The following EML5 variants were observed in gnomAD, a reference collection of about 807,000 sequenced individuals.
EML5 encodes EMAP like 5.
A neutral mutation model predicts 250.0 loss-of-function variants in EML5; 120 were observed. The observed-to-expected ratio is 0.48, with a 90% CI of 0.41 to 0.56. The LOEUF (loss-of-function observed/expected upper bound fraction) is 0.56. Among genes scored for constraint, EML5 ranks in the 20% least tolerant of loss-of-function variants. EML5 has a pLI of 0.00. For missense variants in EML5, 2,006 were observed against 2,437.6 expected, an observed-to-expected ratio of 0.82 and a Z score of 3.73; for synonymous variants, 771 against 806.5, an observed-to-expected ratio of 0.96 and a Z score of 0.75.
chr14:88,761,402 C>T (rs1239915033), intron 1 of EML5, among the ~76,000 whole-genome samples: 3 of 152,122 alleles, frequency 2.0e-5, no homozygotes, highest in Non-Finnish European at 2.9e-5. Context: ...TCCCTGTGCC[C>T]ATATGTTCTC....
intron 1 of EML5, among the ~76,000 whole-genome samples, chr14:88,789,069 TAAAA>T (rs879877223): frequency 2.2e-5 from 3 of 137,600 alleles, no homozygotes; most frequent in Non-Finnish European, 4.8e-5. Context: ...TGTCTCAGTT[TAAAA>T]AAAAAAAAAA....
rs59074536 is a variant in EML5, at chr14:88,758,019, ATTTTTTTTT to A, written c.198-3357_198-3349del. On this transcript the variant is annotated intron_variant, in intron 1 of 43. Transcript: ENST00000554922. ...AGGTGGGTGCCACCACACCTGTCTA[ATTTTTTTTT>A]TTTTTTTTTGTAGAGATGGGGTCTC... Among the ~76,000 whole-genome samples the A allele has an allele frequency of 6.4e-3, 833 of 129,234 alleles. 7 individuals carry two copies. The highest frequency in any genetic ancestry group is 0.023 in the African/African-American group (802 of 34,156). The allele number at this position is 129,234 out of a possible 152,430, so 84.8% of individuals were successfully genotyped here.
In EML5 at chr14:88,705,470, A is replaced by T; in HGVS notation, c.1932+12T>A. 6.4e-7 allele frequency: 1 copy of T among 1,571,896 alleles called. No individual in the cohort carries two copies. The highest frequency in any genetic ancestry group is 8.7e-7 in the Non-Finnish European group (1 of 1,151,424). ...ACTTTTTAGAGAAAAACCATGTGAT[A>T]TGGAAAATTACCTGTCGACGGTAGG... On this transcript the variant is annotated intron_variant, in intron 12 of 43. Coordinates refer to ENST00000554922, the MANE Select transcript of EML5 (RefSeq NM_183387.3).
At chr14:88,704,730 C>T in intron 13 of EML5, 130 bp downstream of exon 13, 1 of 594,784 alleles carries the variant, frequency 1.7e-6, no homozygotes. Flanking sequence ...TGTGTTTTCC[C>T]CATGGGCAAT....
chr14:88,747,957 A>G (rs1279806689), intron 2 of EML5, among the ~76,000 whole-genome samples: 4 of 152,186 alleles, frequency 2.6e-5, no homozygotes, highest in African/African-American at 7.2e-5. Flanking sequence ...GACATTTGCA[A>G]CTGGAAGTAA....
In EML5 at chr14:88,626,945, CAT is replaced by C. The variant is rs1448090324; in HGVS notation, c.4631_4632del (p.His1544ArgfsTer13). On this transcript the variant is annotated frameshift_variant, in exon 35 of 44. Transcript: ENST00000554922. LOFTEE classifies it high-confidence loss of function. ...CTTCCTGCCAGGGTCCAGAACTTCACATGTTTTACTCCCACTGAGACAAACTG... is the reference window on the plus strand; with the variant it reads ...CTTCCTGCCAGGGTCCAGAACTTCACGTTTTACTCCCACTGAGACAAACTG... ...DTQFVSVGVK[H>X]VKFWTLAGRA... is the part of the protein sequence containing the mutation. 8.7e-6 allele frequency: 14 copies of C among 1,613,848 alleles called. No individual in the cohort carries two copies. Among genetic ancestry groups the C allele is most frequent in the South Asian group, 1.1e-5 (1 of 91,076 alleles).
At chr14:88,760,573 T>C (rs889089708) in intron 1 of EML5, among the ~76,000 whole-genome samples, 3 of 152,170 alleles carry the variant, frequency 2.0e-5, no homozygotes, top group African/African-American at 7.2e-5. Context: ...ATAGCTTTAT[T>C]ATAAGCCTTA....
At chr14:88,640,935 T>C (rs547834104) in intron 31 of EML5, among the ~76,000 whole-genome samples, 5 of 151,788 alleles carry the variant, frequency 3.3e-5, no homozygotes, top group African/African-American at 1.2e-4. Context: ...CACCTCTAAA[T>C]ACACAAACTA....
chr14:88,736,649 G>A lies in EML5; in HGVS notation c.848-84C>T, dbSNP rs186732254. 15 of 1,326,892 alleles carry A rather than the reference G, an allele frequency of 1.1e-5. No homozygotes were observed. The East Asian group carries it at 2.1e-4, about 19-fold the overall frequency. 82.2% of individuals were successfully genotyped at this position (1,326,892 alleles called of 1,614,324 possible). On this transcript the variant is annotated intron_variant, in intron 6 of 43. Coordinates refer to ENST00000554922, the MANE Select transcript of EML5 (RefSeq NM_183387.3). The stretch of plus-strand genomic sequence containing the variant: ...GCAGACAAATCCCTATGCAGATAGG[G>A]GCAAGTCCCGGTGAAAGCCAACCTT...
intron 25 of EML5, among the ~76,000 whole-genome samples, 159 bp from the exon 26 acceptor site, chr14:88,658,547 T>C (rs917411664): frequency 2.6e-5 from 4 of 152,158 alleles, no homozygotes; most frequent in Non-Finnish European, 5.9e-5. Context: ...GAATAAAAGA[T>C]ACCAATTCCT....
At chr14:88,678,376 A>G (rs1237190874) in intron 21 of EML5, among the ~76,000 whole-genome samples, 9 of 152,276 alleles carry the variant, frequency 5.9e-5, no homozygotes, top group East Asian at 3.9e-4. Flanking sequence ...GCAACAAGCC[A>G]TCATGGCACA....
intron 21 of EML5, among the ~76,000 whole-genome samples, chr14:88,674,349 T>C (rs1470208951): frequency 6.6e-6 from 1 of 152,180 alleles, no homozygotes; most frequent in Non-Finnish European, 1.5e-5. Context: ...GACTCACAGT[T>C]CTGTATTTCT....
intron 16 of EML5, 106 bp downstream of exon 16, chr14:88,695,253 TAA>T: frequency 2.6e-6 from 2 of 770,024 alleles, no homozygotes; most frequent in Non-Finnish European, 2.1e-6. Flanking sequence ...ATGGAAGCAA[TAA>T]AAAGTTACAT....
At chr14:88,629,955 A>C (rs903182218) in intron 33 of EML5, among the ~76,000 whole-genome samples, 24 of 152,086 alleles carry the variant, frequency 1.6e-4, no homozygotes, top group African/African-American at 4.8e-4. Context: ...GGGTCTTACA[A>C]GAATCAAAGT....
chr14:88,726,776 T>G, intron 7 of EML5, 98 bp from the exon 8 acceptor site: 2 of 847,686 alleles, frequency 2.4e-6, no homozygotes, highest in Non-Finnish European at 1.7e-6. Flanking sequence ...AAGATAAATC[T>G]AGATATCTTA....
At chr14:88,708,930 T>C (rs544934817) in intron 10 of EML5, among the ~76,000 whole-genome samples, 1 of 152,210 alleles carries the variant, frequency 6.6e-6, no homozygotes, top group East Asian at 1.9e-4. Context: ...ATAATGATCA[T>C]AGAAGCTTCC....
rs1215182439 is a variant in EML5, at chr14:88,715,048, G to A, written c.1335C>T (p.Gly445=). The A allele has an allele frequency of 2.5e-6, 4 of 1,613,702 alleles. No individual in the cohort carries two copies. Among genetic ancestry groups the A allele is most frequent in the East Asian group, 2.2e-5 (1 of 44,852 alleles). Residue 445 remains glycine (G), a synonymous_variant, in exon 9 of 44, where the codon GGC becomes GGT. Transcript: ENST00000554922. ...YGVAQRYKKV[G]ECLGSLSFIT... ...TGAAACTAAGGGATCCCAAACACTCGCCAACTTTTTTATAACGCTGAGCAA... is the reference window on the plus strand; with the variant it reads ...TGAAACTAAGGGATCCCAAACACTCACCAACTTTTTTATAACGCTGAGCAA...
chr14:88,762,165 T>C (rs923739666), intron 1 of EML5, among the ~76,000 whole-genome samples: 3 of 151,902 alleles, frequency 2.0e-5, no homozygotes, highest in Non-Finnish European at 4.4e-5. Context: ...TATAAATGTA[T>C]ATGCACCCAA....
At chr14:88,634,599 T>G in intron 32 of EML5, 110 bp from the exon 33 acceptor site, 2 of 531,676 alleles carry the variant, frequency 3.8e-6, no homozygotes, top group Non-Finnish European at 6.1e-6. Context: ...TTGGTTTTAT[T>G]ACATTTGATT....
Sources: gnomAD v4.1 joint callset for allele counts (sites outside exome capture counted in the v4.1 genomes callset) on GRCh38, gnomAD v4.1.1 for gene constraint, MANE v1.5 for transcripts, NCBI Gene and HGNC (gene_info 2026-07-23, HGNC 2026-07-21) for gene names.